The following IL23R variants were observed in gnomAD, a reference collection of about 807,000 sequenced individuals.
IL23R encodes interleukin 23 receptor.
A neutral mutation model predicts 56.9 loss-of-function variants in IL23R; 34 were observed. That is an observed-to-expected ratio of 0.60 (90% CI 0.45 to 0.80). The LOEUF is 0.80. IL23R is among the 30% of genes least tolerant of loss of function. IL23R has a pLI of 0.00. For missense variants in IL23R, 635 were observed against 730.0 expected (o/e 0.87, Z 1.50); for synonymous variants, 230 against 249.2 (o/e 0.92, Z 0.73).
At chr1:67,186,846 C>T (rs1647373597) in intron 4 of IL23R, among the ~76,000 whole-genome samples, 1 of 152,136 alleles carries the variant, frequency 6.6e-6, no homozygotes, top group South Asian at 2.1e-4. Context: ...GTATGGAACT[C>T]CTGAGCTCAG....
chr1:67,200,677 G>A, intron 4 of IL23R, 60 bp from the exon 5 acceptor site: 1 of 1,560,684 alleles, frequency 6.4e-7, no homozygotes, highest in Admixed American at 1.7e-5. Flanking sequence ...GAGCCACCAT[G>A]CCTGGCCAAT....
At chr1:67,232,780 C>T (rs1651183299) in intron 7 of IL23R, among the ~76,000 whole-genome samples, 1 of 152,038 alleles carries the variant, frequency 6.6e-6, no homozygotes, top group Admixed American at 6.6e-5. Flanking sequence ...GTGTCTCCAC[C>T]CAAATCTCAT....
chr1:67,183,218 G>A (rs1049764102), intron 4 of IL23R, among the ~76,000 whole-genome samples: 4 of 152,156 alleles, frequency 2.6e-5, no homozygotes, highest in African/African-American at 4.8e-5. Flanking sequence ...GCTCCTAATG[G>A]TGGTACAGCC....
intron 10 of IL23R, among the ~76,000 whole-genome samples, chr1:67,257,101 G>A (rs1237150342): frequency 6.6e-6 from 1 of 152,110 alleles, no homozygotes; most frequent in Non-Finnish European, 1.5e-5. Flanking sequence ...GACACTTCAT[G>A]TCTGTTTATT....
chr1:67,177,300 GATCACCA>G (rs1245810550), intron 3 of IL23R, among the ~76,000 whole-genome samples: 6 of 152,128 alleles, frequency 3.9e-5, no homozygotes, highest in Admixed American at 6.5e-5. Flanking sequence ...ACTTTTTAAT[GATCACCA>G]TTCTACCTGG....
At chr1:67,262,436 A>G (rs1173346620), downstream of IL23R, among the ~76,000 whole-genome samples, 1 of 152,202 alleles carries the variant, frequency 6.6e-6, no homozygotes, top group Non-Finnish European at 1.5e-5. Context: ...TGGCCACTTT[A>G]CACTGGGTGG....
At chr1:67,199,157 G>C (rs58621044) in intron 4 of IL23R, among the ~76,000 whole-genome samples, 56,143 of 151,968 alleles carry the variant, frequency 0.37, 10,537 homozygotes, top group Admixed American at 0.47. Context: ...ATACAGTCCT[G>C]ATCCATCAGT....
intron 1 of IL23R, among the ~76,000 whole-genome samples, chr1:67,159,238 C>T (rs1252490105): frequency 2.1e-5 from 3 of 146,042 alleles, no homozygotes; most frequent in African/African-American, 7.8e-5. Flanking sequence ...GAGACTATCA[C>T]TATCAGTGAT....
At chr1:67,243,305 G>A (rs574557637) in intron 9 of IL23R, among the ~76,000 whole-genome samples, 109 of 126,634 alleles carry the variant, frequency 8.6e-4, no homozygotes, top group Middle Eastern at 7.3e-3. Flanking sequence ...TTTAGCATGC[G>A]GATTTCTCTT....
intron 6 of IL23R, among the ~76,000 whole-genome samples, chr1:67,213,486 C>T (rs1414158305): frequency 5.9e-5 from 9 of 152,082 alleles, no homozygotes; most frequent in South Asian, 2.1e-4. Flanking sequence ...ATTAGGCTGA[C>T]GAGGCAAGGA....
chr1:67,158,009 A>G (rs1646783571), intron 1 of IL23R, among the ~76,000 whole-genome samples: 2 of 152,296 alleles, frequency 1.3e-5, no homozygotes, highest in African/African-American at 4.8e-5. Flanking sequence ...AGAGGGCAGG[A>G]GTTGGAGACC....
chr1:67,227,940 A>ATCTTTCTTTCTTTC lies in IL23R; in HGVS notation c.955+8212_955+8225dup, dbSNP rs1650732230. ...TGCAACCTATTACTACAGAACAAAG[A>ATCTTTCTTTCTTTC]TCTTTCTTTCTTTCTTTCTTTCTTT... On this transcript the variant is annotated intron_variant, in intron 7 of 10. Coordinates refer to ENST00000347310, the MANE Select transcript of IL23R (RefSeq NM_144701.3). Among the ~76,000 whole-genome samples, 22 of 37,434 alleles carry ATCTTTCTTTCTTTC rather than the reference A, an allele frequency of 5.9e-4. 4 individuals are homozygous for ATCTTTCTTTCTTTC. Among genetic ancestry groups the ATCTTTCTTTCTTTC allele is most frequent in the Non-Finnish European group, 1.0e-3 (17 of 16,372 alleles). The allele number at this position is 37,434 out of a possible 152,430, so 24.6% of individuals were successfully genotyped here.
chr1:67,248,056 T>C (rs1235552911), intron 9 of IL23R, among the ~76,000 whole-genome samples: 1 of 152,188 alleles, frequency 6.6e-6, no homozygotes, highest in Non-Finnish European at 1.5e-5. Context: ...ATTTTTTCCT[T>C]CATTTCAACG....
At chr1:67,254,365 G>A (rs545172184) in intron 9 of IL23R, among the ~76,000 whole-genome samples, 13 of 151,632 alleles carry the variant, frequency 8.6e-5, no homozygotes, top group East Asian at 1.9e-4. Context: ...CAACATGCCC[G>A]GCCCAAAACA....
At chr1:67,214,447 T>C (rs1649696987) in intron 6 of IL23R, among the ~76,000 whole-genome samples, 1 of 152,210 alleles carries the variant, frequency 6.6e-6, no homozygotes, top group Non-Finnish European at 1.5e-5. Flanking sequence ...AAAGGATTGT[T>C]ATGAAGACCA....
At chr1:67,261,721 G>A (rs889328732), downstream of IL23R, among the ~76,000 whole-genome samples, 2 of 152,134 alleles carry the variant, frequency 1.3e-5, no homozygotes, top group Non-Finnish European at 2.9e-5. Context: ...ACCTGATGAA[G>A]ACGTCTGGTA....
chr1:67,185,560 C>T (rs72927042), intron 4 of IL23R, among the ~76,000 whole-genome samples: 3,510 of 152,166 alleles, frequency 0.023, 130 homozygotes, highest in African/African-American at 0.08. Flanking sequence ...CTCCCAGCCA[C>T]CAAGCCTGAT....
Position 67,216,683 on chromosome 1 carries a change from A to T in IL23R, c.799-2891A>T, listed in dbSNP as rs901123770. On this transcript the variant is annotated intron_variant, in intron 6 of 10. Coordinates refer to ENST00000347310, the MANE Select transcript of IL23R (RefSeq NM_144701.3). ...ATACATCATGAAATAGTCTTTTTTT[A>T]AAAAAAATTTCTTTCAACCATTTAA... 6.6e-5 allele frequency among the ~76,000 whole-genome samples: 10 copies of T among 152,104 alleles called. No individual in the cohort carries two copies. In the East Asian group the frequency reaches 1.2e-3, roughly 18 times the overall value.
At chr1:67,217,803 T>C (rs790635) in intron 6 of IL23R, among the ~76,000 whole-genome samples, 115,615 of 151,342 alleles carry the variant, frequency 0.76, 44,401 homozygotes, top group East Asian at 0.97. Flanking sequence ...AATATTTTCA[T>C]GAATTTTACA....
Sources: allele counts gnomAD v4.1 joint callset (sites outside exome capture counted in the v4.1 genomes callset), GRCh38; gene constraint gnomAD v4.1.1; transcripts MANE v1.5; gene names NCBI Gene and HGNC (gene_info 2026-07-23, HGNC 2026-07-21).